The following UBE4B variants were observed in gnomAD, a reference collection of about 807,000 sequenced individuals.
UBE4B encodes ubiquitination factor E4B, also known as ubiquitin conjugation factor E4 B.
UBE4B carries 27 observed loss-of-function variants against 148.1 expected under a neutral mutation model. The ratio of observed to expected loss-of-function variants is 0.18; its 90% CI spans 0.13 to 0.25. UBE4B has a LOEUF of 0.25. Ranked by LOEUF, UBE4B falls within the 10% of genes least tolerant of loss-of-function variation. UBE4B has a pLI of 1.00. For synonymous variants in UBE4B, 596 were observed against 619.3 expected (o/e 0.96, Z 0.56); for missense variants, 1,170 against 1,662.4 (o/e 0.70, Z 5.15).
rs1478295055 is a variant in UBE4B, at chr1:10,151,402, A to G, written c.2767A>G (p.Asn923Asp). Residue 923 changes from asparagine (N) to aspartate (D), a missense_variant, in exon 21 of 28, where the codon AAC (asparagine) becomes GAC (aspartate). This residue lies in a region of UBE4B where 348 missense variants were observed against 627.2 expected (regional missense o/e 0.55). Transcript: ENST00000343090. Reference sequence around the variant, plus strand: ...CCTTGTTGTGATGTTGTGCAACCAGAACTACATCCGAAACCCATATTTGGT... The same window carrying G: ...CCTTGTTGTGATGTTGTGCAACCAGGACTACATCCGAAACCCATATTTGGT... Reference protein sequence around the residue: ...MFLVVMLCNQNYIRNPYLVAK... With the variant: ...MFLVVMLCNQDYIRNPYLVAK... 6.2e-7 allele frequency: 1 copy of G among 1,614,154 alleles called. No homozygotes were observed. The highest frequency in any genetic ancestry group is 8.5e-7 in the Non-Finnish European group (1 of 1,180,030).
chr1:10,060,488 G>C (rs182692617), intron 1 of UBE4B, among the ~76,000 whole-genome samples: 2 of 152,270 alleles, frequency 1.3e-5, no homozygotes, highest in African/African-American at 4.8e-5. Context: ...CTGAAATGTC[G>C]TTATGCAGCC....
At position 10,179,536 on chromosome 1, in the gene UBE4B, C is replaced by T. The variant is rs758014435; in HGVS notation, c.3821C>T (p.Thr1274Met). Residue 1274 changes from threonine (T) to methionine (M), a missense_variant, in exon 27 of 28, where the codon ACG becomes ATG. This residue lies in a region of UBE4B where 348 missense variants were observed against 627.2 expected (regional missense o/e 0.55). Transcript: ENST00000343090. ...CCCACGGACCCCTTCAACCGGCAGACGCTGACAGAGAGCATGCTGGAACCA... is the reference window on the plus strand; with the variant it reads ...CCCACGGACCCCTTCAACCGGCAGATGCTGACAGAGAGCATGCTGGAACCA... ...NSPTDPFNRQ[T>M]LTESMLEPVP... 39 of 1,613,588 alleles carry T rather than the reference C, an allele frequency of 2.4e-5. No homozygotes were observed. Among genetic ancestry groups the T allele is most frequent in the African/African-American group, 1.1e-4 (8 of 74,898 alleles).
intron 11 of UBE4B, among the ~76,000 whole-genome samples, chr1:10,128,035 G>T (rs1486828972): frequency 6.6e-6 from 1 of 152,166 alleles, no homozygotes; most frequent in Non-Finnish European, 1.5e-5. Flanking sequence ...TGTTATTGGG[G>T]CTCCTGGTAA....
chr1:10,089,503 GAAA>G (rs113766750), intron 2 of UBE4B, among the ~76,000 whole-genome samples: 1 of 134,528 alleles, frequency 7.4e-6, no homozygotes, highest in African/African-American at 2.7e-5. Flanking sequence ...ACATGTCTCT[GAAA>G]AAAAAAAAAA....
rs764089127 is a variant in UBE4B at position 10,161,999 on chromosome 1, C to CTT, written c.3198+728_3198+729dup. Among the ~76,000 whole-genome samples the CTT allele has an allele frequency of 3.6e-5, 5 of 137,262 alleles. No homozygotes were observed. Among genetic ancestry groups the CTT allele is most frequent in the East Asian group, 2.1e-4 (1 of 4,818 alleles). 90.0% of individuals were successfully genotyped at this position (137,262 alleles called of 152,430 possible). ...GGGGACTGCTTTTTCTTCACTTTTT[C>CTT]TTTTTTTTTTTTTTTTGAGACGGAG... On this transcript the variant is annotated intron_variant, in intron 23 of 27. Transcript: ENST00000343090. The surrounding 1 kb of genome is among the most constrained non-coding windows in gnomAD (Gnocchi z 4.1).
intron 9 of UBE4B, 102 bp downstream of exon 9, chr1:10,119,715 C>G (rs2101919876): frequency 1.1e-6 from 1 of 917,048 alleles, no homozygotes; most frequent in South Asian, 1.5e-5. Context: ...TAGATAACTC[C>G]CTTCCTCACC....
rs114212496 is a variant in UBE4B, at chr1:10,168,016, G to A, written c.3199-120G>A. The A allele has an allele frequency of 0.022, 25,977 of 1,206,240 alleles. 349 individuals are homozygous for A. Among genetic ancestry groups the A allele is most frequent in the Non-Finnish European group, 0.025 (23,075 of 911,436 alleles). The allele number at this position is 1,206,240 out of a possible 1,614,324, so 74.7% of individuals were successfully genotyped here. A position where few individuals can be genotyped will look rare whatever the true frequency, so the allele number is the denominator to read the frequency against. ...CAGTTATCTGGGACATGTGGCAGGC[G>A]GTTCTGTCATTCCCTAAGCATGTTG... is the stretch of plus-strand genomic sequence containing the variant. On this transcript the variant is annotated intron_variant, in intron 23 of 27. Coordinates refer to ENST00000343090, the MANE Select transcript of UBE4B (RefSeq NM_001105562.3). The surrounding 1 kb of genome is among the most constrained non-coding windows in gnomAD (Gnocchi z 4.9).
At chr1:10,175,066 T>G (rs914640348) in intron 25 of UBE4B, among the ~76,000 whole-genome samples, 1 of 151,964 alleles carries the variant, frequency 6.6e-6, no homozygotes, top group African/African-American at 2.4e-5. Context: ...ATACCAAGAG[T>G]AGGCTGAAGA....
Position 10,093,385 on chromosome 1 carries a change from C to T in UBE4B, c.212-2076C>T, listed in dbSNP as rs189781158. On this transcript the variant is annotated intron_variant, in intron 2 of 27. Transcript: ENST00000343090. ...AATGAATCAAAAGTTTTACTGTATT[C>T]TGTGAACTTGTTTCAGAATTCTCAC... Among the ~76,000 whole-genome samples, 7 of 152,220 alleles carry T rather than the reference C, an allele frequency of 4.6e-5. No homozygotes were observed. The East Asian group carries it at 1.2e-3, about 25-fold the overall frequency.
At chr1:10,101,722 A>T (rs967250399) in intron 4 of UBE4B, among the ~76,000 whole-genome samples, 1 of 151,764 alleles carries the variant, frequency 6.6e-6, no homozygotes, top group African/African-American at 2.4e-5. Flanking sequence ...GTTAGCCAGG[A>T]TGGTCTTGAT....
rs192788795 is a variant in UBE4B at position 10,145,685 on chromosome 1, C to T, written c.2463+646C>T. ...TCCTCACCTGCTGTCTCCCACCCCT[C>T]GCCCCAACACTCATCCAGTATATCT... On this transcript the variant is annotated intron_variant, in intron 18 of 27. Coordinates refer to ENST00000343090, the MANE Select transcript of UBE4B (RefSeq NM_001105562.3). 44 of 152,326 alleles carry T rather than the reference C, an allele frequency of 2.9e-4. No homozygotes were observed. In the East Asian group the frequency reaches 7.5e-3, roughly 26 times the overall value. 9.4% of individuals were successfully genotyped at this position (152,326 alleles called of 1,614,324 possible). A position where few individuals can be genotyped will look rare whatever the true frequency, so the allele number is the denominator to read the frequency against.
intron 1 of UBE4B, among the ~76,000 whole-genome samples, chr1:10,066,048 C>T (rs1328978102): frequency 7.6e-6 from 1 of 131,862 alleles, no homozygotes; most frequent in Non-Finnish European, 1.6e-5. Flanking sequence ...CCCCTCCTTC[C>T]CTCCCCCACT....
chr1:10,073,802 C>T (rs1399436625), intron 2 of UBE4B, among the ~76,000 whole-genome samples: 1 of 152,062 alleles, frequency 6.6e-6, no homozygotes, highest in East Asian at 1.9e-4. Flanking sequence ...GCTGTTGCAC[C>T]ATGCTTCCCA....
At chr1:10,109,440 A>C (rs541777262) in intron 7 of UBE4B, among the ~76,000 whole-genome samples, 49 of 152,282 alleles carry the variant, frequency 3.2e-4, no homozygotes, top group African/African-American at 1.1e-3. Context: ...CCTTAATTAC[A>C]AAATGCCATC....
chr1:10,092,418 T>G (rs890382128), intron 2 of UBE4B, among the ~76,000 whole-genome samples: 1 of 151,584 alleles, frequency 6.6e-6, no homozygotes, highest in Non-Finnish European at 1.5e-5. Context: ...AGAGACAGAG[T>G]TTCACCATAT....
chr1:10,113,994 T>C (rs1312498644), intron 7 of UBE4B, among the ~76,000 whole-genome samples: 1 of 143,786 alleles, frequency 7.0e-6, no homozygotes, highest in Non-Finnish European at 1.5e-5. Context: ...GAACCTGGGA[T>C]GCAGAGGTTG....
chr1:10,048,805 G>A (rs936443741), intron 1 of UBE4B, among the ~76,000 whole-genome samples: 1 of 152,212 alleles, frequency 6.6e-6, no homozygotes, highest in Non-Finnish European at 1.5e-5. Context: ...GGAGTGAGGC[G>A]TAGGCTCCAG....
chr1:10,122,226 GATTGACAGCTGC>G (rs1645422741), intron 10 of UBE4B, 150 bp downstream of exon 10: 1 of 539,322 alleles, frequency 1.9e-6, no homozygotes, highest in Non-Finnish European at 3.3e-6. Flanking sequence ...GAGGAAATCA[GATTGACAGCTGC>G]ATTGTTCAAA....
At chr1:10,123,867 G>A (rs1185164702) in intron 10 of UBE4B, among the ~76,000 whole-genome samples, 2 of 152,094 alleles carry the variant, frequency 1.3e-5, no homozygotes, top group Non-Finnish European at 2.9e-5. Flanking sequence ...TCCGCCTCCC[G>A]GGTTCAAGCG....
Sources: gnomAD v4.1 joint callset for allele counts (sites outside exome capture counted in the v4.1 genomes callset) on GRCh38, gnomAD v4.1.1 for gene constraint, gnomAD v4.1.1 regional missense constraint, Gnocchi (gnomAD v3.1) non-coding constraint, MANE v1.5 for transcripts, NCBI Gene and HGNC (gene_info 2026-07-23, HGNC 2026-07-21) for gene names.